Variants in PRCD observed in about 807,000 individuals in gnomAD.
PRCD encodes photoreceptor disc component, also known as photoreceptor disk component PRCD.
Under a neutral mutation model 10.1 loss-of-function variants are expected in PRCD, and 12 were observed. That is an observed-to-expected ratio of 1.18 (90% CI 0.76 to 1.92). PRCD has a LOEUF of 1.92. PRCD is among the 40% of genes most tolerant of loss of function. The probability of loss-of-function intolerance (pLI) is 0.00; values close to 1 mark genes in which losing one functional copy is unlikely to be tolerated. For synonymous variants in PRCD, 31 were observed against 26.2 expected, an observed-to-expected ratio of 1.18 and a Z score of -0.56; for missense variants, 61 against 72.2, an observed-to-expected ratio of 0.84 and a Z score of 0.56.
downstream of PRCD, among the ~76,000 whole-genome samples, chr17:76,547,807 G>A (rs1331728645): frequency 7.0e-6 from 1 of 142,860 alleles, no homozygotes; most frequent in Non-Finnish European, 1.5e-5. Context: ...CATTCACAGA[G>A]ACACACATTC....
At position 76,528,015 on chromosome 17, in the gene PRCD, A is replaced by G; in HGVS notation, n.45+182A>G. On this transcript the variant is annotated intron_variant and non_coding_transcript_variant, in intron 1 of 4. Coordinates refer to the PRCD transcript ENST00000397633. The surrounding 1 kb of genome is among the most constrained non-coding windows in gnomAD (Gnocchi z 5.8). ...GCTGTGGGATTTCCTCTTTGCCAGA[A>G]CACTCTGTTCTCTGCACAACCGGAA... 2.7e-6 allele frequency: 1 copy of G among 364,846 alleles called. No individual in the cohort carries two copies. Among genetic ancestry groups the G allele is most frequent in the Non-Finnish European group, 5.4e-6 (1 of 185,214 alleles). 22.6% of individuals were successfully genotyped at this position (364,846 alleles called of 1,614,324 possible).
In PRCD at chr17:76,533,735, G is replaced by GATA. The variant is rs902400467; in HGVS notation, n.45+5916_45+5918dup. On this transcript the variant is annotated intron_variant and non_coding_transcript_variant, in intron 1 of 4. Transcript: ENST00000397633. This position sits in a 1 kb window ranked among gnomAD's most constrained non-coding sequence, Gnocchi z 4.5. ...GAGACCCTGAATCCAAAGAAATAAT[G>GATA]ATAATAATAATAATAAAAGGTCAGG... Among the ~76,000 whole-genome samples, 4 of 151,324 alleles carry GATA rather than the reference G, an allele frequency of 2.6e-5. No individual in the cohort carries two copies. The highest frequency in any genetic ancestry group is 5.9e-5 in the Non-Finnish European group (4 of 67,878).
chr17:76,542,122 A>G (rs1389611644), intron 2 of PRCD, among the ~76,000 whole-genome samples: 3 of 152,186 alleles, frequency 2.0e-5, no homozygotes, highest in Admixed American at 1.3e-4. Flanking sequence ...CAGATCATCT[A>G]TCTCATTTGT....
At chr17:76,542,438 C>T in intron 2 of PRCD, 115 bp from the exon 3 acceptor site, 2 of 1,226,888 alleles carry the variant, frequency 1.6e-6, no homozygotes, top group Non-Finnish European at 2.4e-6. Context: ...TTAGGTGGTC[C>T]TGCCCCTCAA....
At position 76,540,263 on chromosome 17, in the gene PRCD, G is replaced by GGGC; in HGVS notation, c.74+48_74+49insGGC. On this transcript the variant is annotated intron_variant, in intron 1 of 4. Coordinates refer to ENST00000592014, the MANE Select transcript of PRCD (RefSeq NM_001077620.3). The surrounding 1 kb of genome is among the most constrained non-coding windows in gnomAD (Gnocchi z 5.0). ...GCTGGCGGTTGGTCGGGGGGGGGGG[G>GGGC]CATGGGGCTGGGCTGCCACCAAGCT... 1 of 610,898 alleles carries GGGC rather than the reference G, an allele frequency of 1.6e-6. No homozygotes were observed. Among genetic ancestry groups the GGGC allele is most frequent in the Non-Finnish European group, 2.9e-6 (1 of 345,506 alleles). The allele number at this position is 610,898 out of a possible 1,614,324, so 37.8% of individuals were successfully genotyped here.
chr17:76,548,198 C>T (rs573531336), downstream of PRCD, among the ~76,000 whole-genome samples: 150 of 152,066 alleles, frequency 9.9e-4, 1 homozygote, highest in African/African-American at 3.5e-3. Flanking sequence ...CACATTTACA[C>T]ACATACAGAC....
chr17:76,540,058 C>T lies in PRCD; in HGVS notation c.-84C>T. The stretch of plus-strand genomic sequence containing the variant: ...AACCGCAGGACAGACGGCAGTGGCT[C>T]CTGAGAGCTGGCTGGGGCCATTTTG... On this transcript the variant is annotated 5_prime_UTR_variant, in exon 1 of 5. Coordinates refer to ENST00000592014, the MANE Select transcript of PRCD (RefSeq NM_001077620.3). The surrounding 1 kb of genome is among the most constrained non-coding windows in gnomAD (Gnocchi z 5.0). 2.1e-6 allele frequency: 3 copies of T among 1,427,052 alleles called. No homozygotes were observed. Among genetic ancestry groups the T allele is most frequent in the Non-Finnish European group, 2.9e-6 (3 of 1,033,384 alleles). The allele number at this position is 1,427,052 out of a possible 1,614,324, so 88.4% of individuals were successfully genotyped here. A position where few individuals can be genotyped will look rare whatever the true frequency, so the allele number is the denominator to read the frequency against.
chr17:76,537,596 G>A, upstream of PRCD: 11 of 1,049,276 alleles, frequency 1.0e-5, no homozygotes, highest in South Asian at 3.9e-4. Flanking sequence ...GGCGGGGCGC[G>A]GGGCGCGGGG....
intron 2 of PRCD, among the ~76,000 whole-genome samples, chr17:76,542,046 T>C (rs2074998049): frequency 6.6e-6 from 1 of 152,088 alleles, no homozygotes; most frequent in African/African-American, 2.4e-5. Flanking sequence ...TGGCAGGACA[T>C]GTGTTTTTAA....
upstream of PRCD, among the ~76,000 whole-genome samples, chr17:76,536,890 C>CG (rs1328743589): frequency 1.9e-4 from 29 of 152,166 alleles, no homozygotes; most frequent in African/African-American, 6.8e-4. Flanking sequence ...CTGGACCCCC[C>CG]GGGCTCTCCT....
Position 76,531,639 on chromosome 17 carries a change from T to C in PRCD, n.45+3806T>C. On this transcript the variant is annotated intron_variant and non_coding_transcript_variant, in intron 1 of 4. Coordinates refer to the PRCD transcript ENST00000397633. This position sits in a 1 kb window ranked among gnomAD's most constrained non-coding sequence, Gnocchi z 7.4. ...CGCTCCATCTCCAGGGGATCCTCCA[T>C]GTGCTTGAACTGGCTGAAGTACTGC... 1 of 1,611,972 alleles carries C rather than the reference T, an allele frequency of 6.2e-7. No individual in the cohort carries two copies. Among genetic ancestry groups the C allele is most frequent in the Non-Finnish European group, 8.5e-7 (1 of 1,178,162 alleles).
chr17:76,540,020 C>A, upstream of PRCD: 2 of 1,036,818 alleles, frequency 1.9e-6, no homozygotes, highest in Non-Finnish European at 2.9e-6. The surrounding 1 kb of genome is among the most constrained non-coding windows in gnomAD (Gnocchi z 5.0). Flanking sequence ...CCTCCTAATC[C>A]ATCCCCAGCA....
chr17:76,541,670 G>A (rs1389730009), intron 2 of PRCD, among the ~76,000 whole-genome samples: 1 of 152,172 alleles, frequency 6.6e-6, no homozygotes, highest in African/African-American at 2.4e-5. Context: ...CATCATAATA[G>A]TGCCTAATTG....
At position 76,531,360 on chromosome 17, in the gene PRCD, A is replaced by G; in HGVS notation, n.45+3527A>G. The stretch of plus-strand genomic sequence containing the variant: ...CCTCCCTCTCGCAGCCACTCCGGGG[A>G]TCACCTCTGTTGCTCCAGAGAGCCG... On this transcript the variant is annotated intron_variant and non_coding_transcript_variant, in intron 1 of 4. Coordinates refer to the PRCD transcript ENST00000397633. The surrounding 1 kb of genome is among the most constrained non-coding windows in gnomAD (Gnocchi z 7.4). The G allele has an allele frequency of 4.2e-6, 6 of 1,432,116 alleles. No homozygotes were observed. Among genetic ancestry groups the G allele is most frequent in the Non-Finnish European group, 5.7e-6 (6 of 1,048,448 alleles). 88.7% of individuals were successfully genotyped at this position (1,432,116 alleles called of 1,614,324 possible).
chr17:76,529,173 A>G (rs1186023622), intron 1 of PRCD: 2 of 982,926 alleles, frequency 2.0e-6, no homozygotes, highest in Non-Finnish European at 2.4e-6. Context: ...CTAGGACTCT[A>G]CTCTGTAACT....
In PRCD at chr17:76,533,933, C is replaced by T. The variant is rs556538927; in HGVS notation, n.45+6100C>T. Among the ~76,000 whole-genome samples, 1 of 151,914 alleles carries T rather than the reference C, an allele frequency of 6.6e-6. No individual in the cohort carries two copies. Among genetic ancestry groups the T allele is most frequent in the African/African-American group, 2.4e-5 (1 of 41,424 alleles). On this transcript the variant is annotated intron_variant and non_coding_transcript_variant, in intron 1 of 4. Coordinates refer to the PRCD transcript ENST00000397633. This position sits in a 1 kb window ranked among gnomAD's most constrained non-coding sequence, Gnocchi z 4.5. ...GTAGTCCTAGCTACTTGGGAGGCTG[C>T]AGCAGGAAGATCCGATCGCATCACG...
intron 1 of PRCD, chr17:76,529,060 C>A: frequency 1.8e-6 from 1 of 541,448 alleles, no homozygotes; most frequent in Non-Finnish European, 2.3e-6. Flanking sequence ...CCCCCACCCC[C>A]CACCCACGCA....
downstream of PRCD, chr17:76,546,201 A>AG (rs1407018584): frequency 1.3e-5 from 2 of 152,472 alleles, no homozygotes; most frequent in African/African-American, 4.8e-5. This position sits in a 1 kb window ranked among gnomAD's most constrained non-coding sequence, Gnocchi z 4.5. Context: ...GGCTGCTTGG[A>AG]GCTGCAGGGC....
At chr17:76,529,448 G>A (rs975509514) in intron 1 of PRCD, 2 of 985,360 alleles carry the variant, frequency 2.0e-6, no homozygotes, top group East Asian at 1.1e-4. Context: ...CCTAGGGCAG[G>A]GTGGGGAGGG....
Sources: gnomAD v4.1 joint callset for allele counts (sites outside exome capture counted in the v4.1 genomes callset) on GRCh38, gnomAD v4.1.1 for gene constraint, Gnocchi (gnomAD v3.1) non-coding constraint, MANE v1.5 for transcripts, NCBI Gene and HGNC (gene_info 2026-07-23, HGNC 2026-07-21) for gene names.